The following MAGI2 variants were observed in gnomAD, a reference collection of about 807,000 sequenced individuals.
MAGI2 encodes membrane associated guanylate kinase, WW and PDZ domain containing 2.
MAGI2 carries 35 observed loss-of-function variants against 133.3 expected under a neutral mutation model. The observed-to-expected ratio is 0.26, with a 90% confidence interval of 0.20 to 0.35. The LOEUF (loss-of-function observed/expected upper bound fraction) is 0.35, where lower values mean the gene tolerates loss of function less well. Ranked by LOEUF, MAGI2 falls within the 10% of genes least tolerant of loss-of-function variation. MAGI2 has a pLI of 1.00. For missense variants in MAGI2, 1,636 were observed against 1,863.4 expected, an observed-to-expected ratio of 0.88 and a Z score of 2.25; for synonymous variants, 729 against 710.6, an observed-to-expected ratio of 1.03 and a Z score of -0.41.
At chr7:78,214,659 TG>T (rs80192936) in intron 10 of MAGI2, among the ~76,000 whole-genome samples, 28,222 of 152,226 alleles carry the variant, frequency 0.19, 3,133 homozygotes, top group East Asian at 0.29. Flanking sequence ...TTTCTTGTTT[TG>T]ACTAACCAGC....
intron 6 of MAGI2, among the ~76,000 whole-genome samples, chr7:78,383,463 GT>G (rs1182906322): frequency 6.6e-6 from 1 of 151,854 alleles, no homozygotes; most frequent in Non-Finnish European, 1.5e-5. Flanking sequence ...GGGATTAGTT[GT>G]TTTTTCCTGT....
chr7:78,497,773 T>TGTCTGTCTG (rs1794259068), intron 5 of MAGI2, among the ~76,000 whole-genome samples: 1 of 151,552 alleles, frequency 6.6e-6, no homozygotes. Context: ...TCTTTCTATC[T>TGTCTGTCTG]TATACACAGA....
chr7:78,704,638 T>A (rs530601100), intron 2 of MAGI2, among the ~76,000 whole-genome samples: 1 of 151,926 alleles, frequency 6.6e-6, no homozygotes, highest in East Asian at 1.9e-4. Flanking sequence ...AGCAAGGAAA[T>A]TGAGTCAACC....
At chr7:79,104,816 C>T (rs17151959) in intron 1 of MAGI2, among the ~76,000 whole-genome samples, 1,864 of 152,138 alleles carry the variant, frequency 0.012, 41 homozygotes, top group African/African-American at 0.042. Flanking sequence ...ATTGCAATCT[C>T]AAAAAAAGAC....
intron 1 of MAGI2, among the ~76,000 whole-genome samples, chr7:79,390,563 A>C (rs1254215083): frequency 6.6e-6 from 1 of 152,190 alleles, no homozygotes; most frequent in African/African-American, 2.4e-5. Context: ...GGTGCATAGA[A>C]GAGATGGTCA....
intron 21 of MAGI2, among the ~76,000 whole-genome samples, chr7:78,032,609 C>T (rs776354027): frequency 6.6e-6 from 1 of 152,040 alleles, no homozygotes; most frequent in Non-Finnish European, 1.5e-5. Flanking sequence ...TCTCCATGGA[C>T]CTTACTATCA....
chr7:78,915,126 G>T (rs1798691619), intron 2 of MAGI2, among the ~76,000 whole-genome samples: 2 of 152,028 alleles, frequency 1.3e-5, no homozygotes, highest in South Asian at 4.1e-4. Flanking sequence ...ATATCAGGAG[G>T]TTACTATTTG....
intron 2 of MAGI2, among the ~76,000 whole-genome samples, chr7:78,740,016 C>T (rs1468043366): frequency 6.6e-6 from 1 of 152,114 alleles, no homozygotes. Context: ...AAAAAATTAG[C>T]TGGGCGTGGT....
chr7:78,645,801 T>G (rs1810826278), intron 2 of MAGI2, among the ~76,000 whole-genome samples: 1 of 151,626 alleles, frequency 6.6e-6, no homozygotes, highest in South Asian at 2.1e-4. Flanking sequence ...TGCAGTGGCA[T>G]GATCTTGGCT....
intron 2 of MAGI2, among the ~76,000 whole-genome samples, chr7:78,641,054 G>T (rs1297488869): frequency 6.6e-6 from 1 of 152,058 alleles, no homozygotes; most frequent in Non-Finnish European, 1.5e-5. Context: ...CTGTTTGCTG[G>T]TCACTCATTA....
intron 9 of MAGI2, among the ~76,000 whole-genome samples, chr7:78,304,170 T>G (rs1185590424): frequency 6.6e-6 from 1 of 152,200 alleles, no homozygotes; most frequent in Non-Finnish European, 1.5e-5. Flanking sequence ...CTAAAGTACT[T>G]GGACTATTGC....
intron 2 of MAGI2, among the ~76,000 whole-genome samples, chr7:78,978,987 G>A (rs1288553715): frequency 1.3e-5 from 2 of 151,854 alleles, no homozygotes; most frequent in African/African-American, 4.8e-5. Flanking sequence ...AGTAACAGCA[G>A]AGATAAGCAA....
chr7:78,392,209 C>T (rs1438467309), intron 6 of MAGI2, among the ~76,000 whole-genome samples: 4 of 152,080 alleles, frequency 2.6e-5, no homozygotes, highest in African/African-American at 7.2e-5. Context: ...GCAGGTACGA[C>T]TAGTATACAT....
chr7:79,321,189 GA>G lies in MAGI2; in HGVS notation c.301+131830del, dbSNP rs768327947. Among the ~76,000 whole-genome samples the G allele has an allele frequency of 1.6e-4, 25 of 152,232 alleles. No individual in the cohort carries two copies. In the South Asian group the frequency reaches 3.3e-3, roughly 20 times the overall value. On this transcript the variant is annotated intron_variant, in intron 1 of 21. Transcript: ENST00000354212. ...TCACTTAATAACACTGTTAATAAGT[GA>G]AAATAGATTTACAATTTAACAGATA...
chr7:78,339,558 T>G (rs1383573189), intron 9 of MAGI2, among the ~76,000 whole-genome samples: 1 of 152,236 alleles, frequency 6.6e-6, no homozygotes, highest in African/African-American at 2.4e-5. Context: ...TAAAAAGTAA[T>G]GGATTTGTGA....
chr7:78,739,402 C>G (rs928444801), intron 2 of MAGI2, among the ~76,000 whole-genome samples: 1 of 152,102 alleles, frequency 6.6e-6, no homozygotes, highest in Non-Finnish European at 1.5e-5. Context: ...AAGTGCCATT[C>G]TGAAGGCAAT....
At chr7:78,413,616 A>C (rs1798044651) in intron 6 of MAGI2, among the ~76,000 whole-genome samples, 1 of 152,066 alleles carries the variant, frequency 6.6e-6, no homozygotes, top group South Asian at 2.1e-4. Flanking sequence ...TTACTGAGGC[A>C]ATGGGAGTGA....
chr7:78,120,859 G>C (rs569417378), intron 20 of MAGI2, among the ~76,000 whole-genome samples: 4 of 150,632 alleles, frequency 2.7e-5, no homozygotes, highest in African/African-American at 9.7e-5. Flanking sequence ...AAATTAGCCG[G>C]GCGTAGTGGC....
chr7:78,057,480 G>A (rs1361433199), intron 21 of MAGI2, among the ~76,000 whole-genome samples: 1 of 152,080 alleles, frequency 6.6e-6, no homozygotes, highest in Non-Finnish European at 1.5e-5. Flanking sequence ...CTGACCTCAG[G>A]TGATCCACCC....
Sources: allele counts gnomAD v4.1 joint callset (sites outside exome capture counted in the v4.1 genomes callset), GRCh38; gene constraint gnomAD v4.1.1; transcripts MANE v1.5; gene names NCBI Gene and HGNC (gene_info 2026-07-23, HGNC 2026-07-21).